The following PSMD1 variants were observed in gnomAD, a reference collection of about 807,000 sequenced individuals.
PSMD1 encodes proteasome 26S subunit, non-ATPase 1, also known as 26S proteasome non-ATPase regulatory subunit 1.
PSMD1 carries 18 observed loss-of-function variants against 119.0 expected under a neutral mutation model. The ratio of observed to expected loss-of-function variants is 0.15; its 90% CI spans 0.10 to 0.22. The LOEUF is 0.22. PSMD1 is among the 10% of genes least tolerant of loss of function. The pLI, the probability that PSMD1 is intolerant of heterozygous loss-of-function variation, is 1.00. For missense variants in PSMD1, 702 were observed against 1,158.5 expected (o/e 0.61, Z 5.72); for synonymous variants, 374 against 396.6 (o/e 0.94, Z 0.68).
intron 12 of PSMD1, among the ~76,000 whole-genome samples, chr2:231,080,666 C>T (rs1045559758): frequency 6.6e-6 from 1 of 152,118 alleles, no homozygotes; most frequent in Non-Finnish European, 1.5e-5. Context: ...AGAATCCTTG[C>T]TTGTTTTGAT....
intron 22 of PSMD1, 130 bp from the exon 23 acceptor site, chr2:231,165,741 A>T: frequency 1.4e-6 from 1 of 734,950 alleles, no homozygotes; most frequent in Non-Finnish European, 2.1e-6. Context: ...ATAGCACTTT[A>T]GTTGTACTTC....
chr2:231,165,431 T>G, intron 22 of PSMD1, 145 bp downstream of exon 22: 1 of 1,116,260 alleles, frequency 9.0e-7, no homozygotes, highest in Non-Finnish European at 1.2e-6. Context: ...ATCATCAAAC[T>G]GTACTTGAAA....
chr2:231,092,592 C>G (rs111632896), intron 16 of PSMD1, among the ~76,000 whole-genome samples: 81 of 152,118 alleles, frequency 5.3e-4, no homozygotes, highest in African/African-American at 1.8e-3. Flanking sequence ...CCAAATTGTA[C>G]GGGAATGAGA....
At chr2:231,130,905 C>T (rs1233088377) in intron 16 of PSMD1, among the ~76,000 whole-genome samples, 1 of 152,078 alleles carries the variant, frequency 6.6e-6, no homozygotes, top group African/African-American at 2.4e-5. Context: ...ATCTAGAAGG[C>T]AAATGTTTAT....
intron 4 of PSMD1, among the ~76,000 whole-genome samples, chr2:231,065,551 G>A (rs568230018): frequency 2.6e-5 from 4 of 151,570 alleles, no homozygotes; most frequent in Admixed American, 1.3e-4. Context: ...CACCCGCCTC[G>A]GCCTCCCAAA....
chr2:231,165,373 C>T, intron 22 of PSMD1, 87 bp downstream of exon 22: 2 of 1,363,550 alleles, frequency 1.5e-6, no homozygotes, highest in Non-Finnish European at 1.9e-6. Flanking sequence ...ATTATTCTAC[C>T]TTGCTCTTGG....
chr2:231,078,572 A>G, intron 9 of PSMD1, 87 bp from the exon 10 acceptor site: 1 of 890,732 alleles, frequency 1.1e-6, no homozygotes, highest in Non-Finnish European at 1.6e-6. Context: ...CTTTTACCAC[A>G]AAATAGGACC....
At chr2:231,070,741 CAT>C (rs747024068) in intron 6 of PSMD1, among the ~76,000 whole-genome samples, 6 of 152,094 alleles carry the variant, frequency 3.9e-5, no homozygotes, top group East Asian at 1.9e-4. Flanking sequence ...CTTATTCACA[CAT>C]GTGGATCTAC....
chr2:231,061,963 G>A (rs1346719272), intron 2 of PSMD1, among the ~76,000 whole-genome samples: 1 of 152,142 alleles, frequency 6.6e-6, no homozygotes, highest in South Asian at 2.1e-4. Context: ...TGAAAATTTG[G>A]AATGTCCTTC....
intron 19 of PSMD1, among the ~76,000 whole-genome samples, chr2:231,157,075 A>G (rs1301871142): frequency 6.6e-6 from 1 of 152,036 alleles, no homozygotes; most frequent in Non-Finnish European, 1.5e-5. Flanking sequence ...CTGCTCTGTA[A>G]TCTTTTTTTT....
chr2:231,169,246 A>T (rs1696857067), intron 23 of PSMD1, among the ~76,000 whole-genome samples: 1 of 152,236 alleles, frequency 6.6e-6, no homozygotes, highest in Non-Finnish European at 1.5e-5. Context: ...ATGAAATAGC[A>T]TAACCTGGAT....
chr2:231,103,356 A>G (rs1351457720), intron 16 of PSMD1, among the ~76,000 whole-genome samples: 1 of 152,184 alleles, frequency 6.6e-6, no homozygotes, highest in Non-Finnish European at 1.5e-5. Context: ...TTATGACATA[A>G]TATTTACCCA....
intron 16 of PSMD1, chr2:231,113,969 A>C (rs1232635586): frequency 1.3e-6 from 2 of 1,551,250 alleles, no homozygotes; most frequent in African/African-American, 2.7e-5. Context: ...TTATTCTATA[A>C]AATGGCAACT....
chr2:231,064,549 A>T (rs1480796738), intron 4 of PSMD1, among the ~76,000 whole-genome samples: 1 of 152,200 alleles, frequency 6.6e-6, no homozygotes, highest in Non-Finnish European at 1.5e-5. Context: ...GGGTAGGGGT[A>T]ATGTTTCCTC....
At chr2:231,123,350 C>A (rs1260433449) in intron 16 of PSMD1, 1 of 1,138,596 alleles carries the variant, frequency 8.8e-7, no homozygotes, top group Admixed American at 1.7e-5. Flanking sequence ...AAATGAGTGT[C>A]CATTCTCTAA....
rs186579058 is a variant in PSMD1, at chr2:231,161,249, A to G, written c.2219-91A>G. ...AGACCCTATCTCTTTAAAAAAAAAA[A>G]AAAGAAAGAAAGAAAGATATCGTTA... On this transcript the variant is annotated intron_variant, in intron 19 of 24. Coordinates refer to ENST00000308696, the MANE Select transcript of PSMD1 (RefSeq NM_002807.4). The G allele has an allele frequency of 7.5e-4, 975 of 1,304,374 alleles. 1 individual carries two copies. The highest frequency in any genetic ancestry group is 8.9e-4 in the Non-Finnish European group (850 of 957,812). The allele number at this position is 1,304,374 out of a possible 1,614,324, so 80.8% of individuals were successfully genotyped here. A position where few individuals can be genotyped will look rare whatever the true frequency, so the allele number is the denominator to read the frequency against.
chr2:231,123,488 G>A, intron 16 of PSMD1: 1 of 1,614,082 alleles, frequency 6.2e-7, no homozygotes, highest in South Asian at 1.1e-5. Context: ...AAGGACATTA[G>A]AAAGTAATTA....
At chr2:231,119,537 G>A (rs1020844053) in intron 16 of PSMD1, among the ~76,000 whole-genome samples, 2 of 152,158 alleles carry the variant, frequency 1.3e-5, no homozygotes, top group East Asian at 1.9e-4. Flanking sequence ...GCTATACCAC[G>A]GATACTGTTT....
Position 231,146,230 on chromosome 2 carries a change from AT to A in PSMD1, c.1999-8del. The A allele has an allele frequency of 6.3e-7, 1 of 1,590,484 alleles. No homozygotes were observed. Among genetic ancestry groups the A allele is most frequent in the Non-Finnish European group, 8.6e-7 (1 of 1,159,886 alleles). On this transcript the variant is annotated splice_polypyrimidine_tract_variant and intron_variant, in intron 17 of 24. Transcript: ENST00000308696. ...ATTTAAAAGTTGTGTGTTTTTTTAAATTCTTTCAGGAAGCCATTAATTTGCT... is the reference window on the plus strand; with the variant it reads ...ATTTAAAAGTTGTGTGTTTTTTTAAATCTTTCAGGAAGCCATTAATTTGCT...
Sources: allele counts gnomAD v4.1 joint callset (sites outside exome capture counted in the v4.1 genomes callset), GRCh38; gene constraint gnomAD v4.1.1; transcripts MANE v1.5; gene names NCBI Gene and HGNC (gene_info 2026-07-23, HGNC 2026-07-21).